AP1S2: variants seen among roughly 807,000 people sequenced by gnomAD.
The protein encoded by AP1S2 is adaptor related protein complex 1 subunit sigma 2.
AP1S2 carries 1 observed loss-of-function variant against 14.3 expected under a neutral mutation model. The ratio of observed to expected loss-of-function variants is 0.07; its 90% confidence interval spans 0.02 to 0.33. The LOEUF is 0.33. Ranked by LOEUF, AP1S2 falls within the 10% of genes least tolerant of loss-of-function variation. The pLI, the probability that AP1S2 is intolerant of heterozygous loss-of-function variation, is 0.99. For synonymous variants in AP1S2, 30 were observed against 40.5 expected (o/e 0.74, Z 0.99); for missense variants, 30 against 117.7 (o/e 0.25, Z 3.45).
chrX:15,842,690 A>C (rs1029440728), intron 4 of AP1S2, among the ~76,000 whole-genome samples: 23 of 112,176 alleles, frequency 2.1e-4, no homozygotes, highest in African/African-American at 7.1e-4. Context: ...GACCAACCAT[A>C]CTCATCCTAT....
At chrX:15,845,305 T>G in intron 4 of AP1S2, 74 bp downstream of exon 4, 1 of 1,197,821 alleles carries the variant, frequency 8.3e-7, no homozygotes, top group Non-Finnish European at 1.1e-6. Context: ...TCTGAAACTG[T>G]AAGAATGATG....
At chrX:15,835,689 T>G (rs1933611193) in intron 4 of AP1S2, among the ~76,000 whole-genome samples, 1 of 111,463 alleles carries the variant, frequency 9.0e-6, no homozygotes, top group Non-Finnish European at 1.9e-5. Flanking sequence ...AGAAGTGCTT[T>G]ACTTTACGTG....
At position 15,827,346 on chromosome X, in the gene AP1S2, A is replaced by G; in HGVS notation, c.462T>C (p.Leu154=). The change falls in exon 6 of 6, where the codon CTT becomes CTC. Residue 154 remains leucine (L), a synonymous_variant. Coordinates refer to ENST00000672987, the MANE Select transcript of AP1S2 (RefSeq NM_001272071.2). ...AGAGTTATGTCAGTCCAATTTCTTC[A>G]AGAACACTACGTGGGGTTTCAGCTT... The part of the protein sequence containing the change: ...AKEAETPRSV[L]EEIGLT 8.3e-7 allele frequency: 1 copy of G among 1,209,817 alleles called. No homozygotes were observed. The highest frequency in any genetic ancestry group is 1.1e-6 in the Non-Finnish European group (1 of 893,567).
At chrX:15,827,435 T>C in intron 5 of AP1S2, 63 bp from the exon 6 acceptor site, 1 of 985,124 alleles carries the variant, frequency 1.0e-6, no homozygotes, top group South Asian at 1.9e-5. Context: ...ATGTGAAACA[T>C]TGACATGGAA....
At chrX:15,852,670 T>A (rs1201944547) in intron 1 of AP1S2, 146 bp from the exon 2 acceptor site, 1 of 657,166 alleles carries the variant, frequency 1.5e-6, no homozygotes, top group East Asian at 3.4e-5. Flanking sequence ...CCAATTAAAA[T>A]AGCAAGAAAT....
chrX:15,834,211 T>C (rs1417976640), intron 4 of AP1S2, among the ~76,000 whole-genome samples: 2 of 105,556 alleles, frequency 1.9e-5, no homozygotes, highest in Non-Finnish European at 3.9e-5. Context: ...CACACTGTCC[T>C]CAAGCTATAC....
chrX:15,828,093 T>G (rs1322022936), intron 5 of AP1S2, 99 bp downstream of exon 5: 1 of 608,307 alleles, frequency 1.6e-6, no homozygotes, highest in Admixed American at 4.0e-5. Context: ...GAGGCCAACT[T>G]TCAGGTATTA....
chrX:15,848,959 A>C (rs1934083339), intron 2 of AP1S2, among the ~76,000 whole-genome samples: 1 of 112,141 alleles, frequency 8.9e-6, no homozygotes, highest in Non-Finnish European at 1.9e-5. Flanking sequence ...TCAAGCTAGT[A>C]ATTTGGAGAT....
intron 4 of AP1S2, among the ~76,000 whole-genome samples, chrX:15,842,667 A>C (rs1933871508): frequency 8.9e-6 from 1 of 112,343 alleles, no homozygotes; most frequent in African/African-American, 3.2e-5. Flanking sequence ...GGGGTAAGGA[A>C]AATTTTACAT....
At chrX:15,837,781 A>G (rs1274948709) in intron 4 of AP1S2, among the ~76,000 whole-genome samples, 2 of 108,710 alleles carry the variant, frequency 1.8e-5, no homozygotes, top group Non-Finnish European at 3.8e-5. Flanking sequence ...TAATTTTTGT[A>G]TTTTTAGTAG....
intron 4 of AP1S2, among the ~76,000 whole-genome samples, chrX:15,839,262 T>C (rs1356346933): frequency 8.9e-6 from 1 of 111,799 alleles, no homozygotes. Context: ...GGCTTGAAGG[T>C]TTTAACATGA....
chrX:15,828,196 G>A lies in AP1S2; in HGVS notation c.431C>T (p.Ala144Val), dbSNP rs769220812. 46 of 1,114,384 alleles carry A rather than the reference G, an allele frequency of 4.1e-5. No homozygotes were observed. The African/African-American group carries it at 6.8e-4, about 16-fold the overall frequency. The allele number at this position is 1,114,384 out of a possible 1,213,427, so 91.8% of individuals were successfully genotyped here. The change falls in exon 5 of 6, where the codon GCG (alanine) becomes GTG (valine). Residue 144 changes from alanine to valine, a missense_variant. By Grantham distance (64) the Ala-to-Val change is moderately conservative (BLOSUM62 0). Around this residue, in one of 3 missense-constraint regions of AP1S2, gnomAD observed 14 missense variants for 24.0 expected, o/e 0.58. Coordinates refer to ENST00000672987, the MANE Select transcript of AP1S2 (RefSeq NM_001272071.2). ...GGCATCCAGTAATAAACTTACTTTC[G>A]CATCCTAATCATGGTACAGCACAAA... ...IEQADLLQED[A>V]KEAETPRSVL...
intron 4 of AP1S2, among the ~76,000 whole-genome samples, chrX:15,841,560 C>T (rs1394063730): frequency 8.9e-6 from 1 of 111,898 alleles, no homozygotes; most frequent in East Asian, 2.8e-4. Flanking sequence ...GAATGCTATA[C>T]CCCAAACTAT....
intron 4 of AP1S2, chrX:15,833,197 C>T: frequency 1.3e-6 from 1 of 754,026 alleles, no homozygotes; most frequent in Non-Finnish European, 1.6e-6. Flanking sequence ...AGAGCTTACG[C>T]TCATTAAAAG....
intron 4 of AP1S2, chrX:15,840,630 T>C: frequency 1.2e-6 from 1 of 805,755 alleles, no homozygotes; most frequent in Non-Finnish European, 1.7e-6. Flanking sequence ...GGTAAGTGCT[T>C]GACTTTACAG....
intron 2 of AP1S2, among the ~76,000 whole-genome samples, chrX:15,847,643 C>T (rs1445333396): frequency 8.9e-6 from 1 of 112,123 alleles, no homozygotes; most frequent in Non-Finnish European, 1.9e-5. Context: ...CTCTCTTTCC[C>T]ATCGTTACTG....
chrX:15,844,934 G>A, intron 4 of AP1S2: 1 of 685,681 alleles, frequency 1.5e-6, no homozygotes, highest in Non-Finnish European at 1.7e-6. Flanking sequence ...TAATGGACAT[G>A]AGGTAAAAAT....
At chrX:15,835,086 T>A (rs905049354) in intron 4 of AP1S2, among the ~76,000 whole-genome samples, 8 of 112,237 alleles carry the variant, frequency 7.1e-5, no homozygotes, top group African/African-American at 2.6e-4. Context: ...TCTGCAGGCT[T>A]AAGTCTTGTT....
intron 4 of AP1S2, among the ~76,000 whole-genome samples, chrX:15,829,383 G>A (rs1018072373): frequency 9.0e-6 from 1 of 111,553 alleles, no homozygotes; most frequent in Non-Finnish European, 1.9e-5. Flanking sequence ...AGCCTTGAAT[G>A]TATCAATTAA....
Sources: gnomAD v4.1 joint callset for allele counts (sites outside exome capture counted in the v4.1 genomes callset) on GRCh38, gnomAD v4.1.1 for gene constraint, gnomAD v4.1.1 regional missense constraint, MANE v1.5 for transcripts, NCBI Gene and HGNC (gene_info 2026-07-23, HGNC 2026-07-21) for gene names.